Variants in FADS2 observed in about 807,000 individuals in gnomAD.
The protein encoded by FADS2 is fatty acid desaturase 2.
FADS2 carries 18 observed loss-of-function variants against 61.2 expected under a neutral mutation model. The ratio of observed to expected loss-of-function variants is 0.29; its 90% CI spans 0.20 to 0.44. FADS2 has a LOEUF of 0.44. Among genes scored for constraint, FADS2 ranks in the 20% least tolerant of loss-of-function variants. The pLI is 1.00. For synonymous variants in FADS2, 203 were observed against 223.9 expected (o/e 0.91, Z 0.83); for missense variants, 322 against 572.7 (o/e 0.56, Z 4.47).
intron 8 of FADS2, 34 bp from the exon 9 acceptor site, chr11:61,863,248 G>A (rs541630106): frequency 2.0e-5 from 32 of 1,564,718 alleles, no homozygotes; most frequent in African/African-American, 5.4e-5. Flanking sequence ...CTGGGCCCCC[G>A]GAGGCCCCTG....
rs964903485 is a variant in FADS2 at position 61,865,443 on chromosome 11, G to C, written c.1283+166G>C. ...TTGGGCTTTTCTCCCTGGGCTGCGA[G>C]AAGACCATCCCTTTCTGTGTGGGGT... On this transcript the variant is annotated intron_variant, in intron 11 of 11. Coordinates refer to ENST00000278840, the MANE Select transcript of FADS2 (RefSeq NM_004265.4). This position sits in a 1 kb window ranked among gnomAD's most constrained non-coding sequence, Gnocchi z 4.1. 1 of 990,842 alleles carries C rather than the reference G, an allele frequency of 1.0e-6. No homozygotes were observed. The highest frequency in any genetic ancestry group is 1.6e-5 in the African/African-American group (1 of 61,416). 61.4% of individuals were successfully genotyped at this position (990,842 alleles called of 1,614,324 possible).
At position 61,816,954 on chromosome 11, in the gene FADS2, G is replaced by C; in HGVS notation, c.141+528G>C. ...TTGGCCGAGCCTCGTGGCGCGGGGA[G>C]CGAGATCCCGTCCCCCGGTGGGTCT... On this transcript the variant is annotated intron_variant, in intron 1 of 11. Transcript: ENST00000257261. This position sits in a 1 kb window ranked among gnomAD's most constrained non-coding sequence, Gnocchi z 7.0. 3 of 1,373,894 alleles carry C rather than the reference G, an allele frequency of 2.2e-6. No individual in the cohort carries two copies. In the South Asian group the frequency reaches 5.0e-5, roughly 23 times the overall value. The allele number at this position is 1,373,894 out of a possible 1,614,324, so 85.1% of individuals were successfully genotyped here.
rs745690992 is a variant in FADS2 at position 61,840,503 on chromosome 11, T to C, written c.488T>C (p.Ile163Thr). ...GGCAATGGCTGGATTCCTACCCTCA[T>C]CACGGCCTTTGTCCTTGCTACCTCT... ...YFGNGWIPTL[I>T]TAFVLATSQA... The change falls in exon 3 of 12, where the codon ATC becomes ACC. Residue 163 changes from isoleucine to threonine, a missense_variant. Around this residue, in one of 3 missense-constraint regions of FADS2, gnomAD observed 221 missense variants for 427.9 expected, o/e 0.52. Transcript: ENST00000278840. 4.3e-6 allele frequency: 7 copies of C among 1,614,088 alleles called. No homozygotes were observed. The highest frequency in any genetic ancestry group is 4.2e-6 in the Non-Finnish European group (5 of 1,180,050).
chr11:61,821,783 A>G (rs2067038026), intron 1 of FADS2, among the ~76,000 whole-genome samples: 1 of 152,230 alleles, frequency 6.6e-6, no homozygotes, highest in South Asian at 2.1e-4. Flanking sequence ...GATTAATGTT[A>G]AGTAATATTA....
At position 61,866,002 on chromosome 11, in the gene FADS2, C is replaced by A; in HGVS notation, c.*313C>A. ...GGCTCTGTCCTACCTCCACTCTCTG[C>A]CCCTAAAGATGGGAGGAGACCAGCG... On this transcript the variant is annotated 3_prime_UTR_variant, in exon 12 of 12. Coordinates refer to ENST00000278840, the MANE Select transcript of FADS2 (RefSeq NM_004265.4). The A allele has an allele frequency of 2.1e-6, 1 of 468,058 alleles. No individual in the cohort carries two copies. The highest frequency in any genetic ancestry group is 3.8e-6 in the Non-Finnish European group (1 of 263,768). 29.0% of individuals were successfully genotyped at this position (468,058 alleles called of 1,614,324 possible).
intron 5 of FADS2, among the ~76,000 whole-genome samples, chr11:61,849,143 C>T (rs2067285625): frequency 6.6e-6 from 1 of 152,212 alleles, no homozygotes; most frequent in Admixed American, 6.5e-5. Context: ...GATCTGCCTG[C>T]CTCGGCTTCC....
At chr11:61,827,914 C>T (rs2067096803), upstream of FADS2, 1 of 510,494 alleles carries the variant, frequency 2.0e-6, no homozygotes, top group Middle Eastern at 9.8e-4. This position sits in a 1 kb window ranked among gnomAD's most constrained non-coding sequence, Gnocchi z 4.5. Flanking sequence ...CCGCTCCAGC[C>T]CGCTGGCCTT....
rs756539701 is a variant in FADS2, at chr11:61,816,294, C to A, written c.9C>A (p.Gly3=). Residue 3 remains glycine, a synonymous_variant, in exon 1 of 12, where the codon GGC becomes GGA. Transcript: ENST00000257261. The surrounding 1 kb of genome is among the most constrained non-coding windows in gnomAD (Gnocchi z 7.0). Reference sequence around the variant, plus strand: ...TCGGGGCTGCAGATGGAATGCACGGCAGGGAGGCGGGACCCTTTGTTTGTG... The same window carrying A: ...TCGGGGCTGCAGATGGAATGCACGGAAGGGAGGCGGGACCCTTTGTTTGTG... 2 of 1,598,338 alleles carry A rather than the reference C, an allele frequency of 1.3e-6. No homozygotes were observed. The highest frequency in any genetic ancestry group is 2.2e-5 in the South Asian group (2 of 91,070).
chr11:61,829,008 C>A (rs1449356830), intron 1 of FADS2, among the ~76,000 whole-genome samples: 3 of 152,222 alleles, frequency 2.0e-5, no homozygotes, highest in Non-Finnish European at 4.4e-5. Context: ...GGAGCGGGAG[C>A]GCAGGCAGCC....
intron 5 of FADS2, among the ~76,000 whole-genome samples, chr11:61,849,139 C>T (rs984614072): frequency 6.6e-6 from 1 of 152,216 alleles, no homozygotes; most frequent in East Asian, 1.9e-4. Flanking sequence ...TCATGATCTG[C>T]CTGCCTCGGC....
chr11:61,857,964 C>T (rs2067377741), intron 7 of FADS2, among the ~76,000 whole-genome samples: 1 of 152,198 alleles, frequency 6.6e-6, no homozygotes, highest in Non-Finnish European at 1.5e-5. Context: ...GCACCACGAA[C>T]TGAGTGGCAT....
At chr11:61,817,067 G>C (rs1436184317) in intron 1 of FADS2, 5 of 1,051,596 alleles carry the variant, frequency 4.8e-6, no homozygotes, top group Non-Finnish European at 6.3e-6. Context: ...CTGACGTCAG[G>C]CGGGCATCGC....
intron 7 of FADS2, 126 bp from the exon 8 acceptor site, chr11:61,862,835 GTTGCCCATTGC>G: frequency 4.3e-6 from 3 of 700,456 alleles, no homozygotes; most frequent in South Asian, 1.7e-5. Flanking sequence ...GTGGCGTGTA[GTTGCCCATTGC>G]ATTTCAGTGG....
intron 5 of FADS2, chr11:61,856,321 G>A (rs2526678): frequency 0.09 from 13,680 of 152,386 alleles, 1,123 homozygotes; most frequent in East Asian, 0.4. Flanking sequence ...TGCAGGCTCT[G>A]ATGGGGAAGA....
chr11:61,817,109 A>C, intron 1 of FADS2: 1 of 654,570 alleles, frequency 1.5e-6, no homozygotes, highest in South Asian at 2.9e-5. Context: ...CCGCGGTAGG[A>C]ACAGCGGTTC....
intron 2 of FADS2, 172 bp from the exon 3 acceptor site, chr11:61,840,162 T>G: frequency 3.2e-6 from 2 of 630,140 alleles, no homozygotes; most frequent in Non-Finnish European, 5.7e-6. Context: ...GTGGGGCATG[T>G]GGTAACAGCA....
At chr11:61,857,638 C>T (rs1591179471) in intron 7 of FADS2, 108 bp downstream of exon 7, 11 of 879,826 alleles carry the variant, frequency 1.3e-5, no homozygotes, top group Middle Eastern at 2.4e-4. Context: ...GCCTGTGGGG[C>T]CCCAGGCATC....
chr11:61,838,458 C>T (rs1385069870), intron 2 of FADS2, among the ~76,000 whole-genome samples: 3 of 152,036 alleles, frequency 2.0e-5, no homozygotes, highest in Non-Finnish European at 2.9e-5. Flanking sequence ...CAGGGCAGGA[C>T]GGGGAGGAGA....
chr11:61,828,269 G>T, upstream of FADS2: 1 of 1,457,180 alleles, frequency 6.9e-7, no homozygotes, highest in Non-Finnish European at 9.0e-7. This position sits in a 1 kb window ranked among gnomAD's most constrained non-coding sequence, Gnocchi z 6.4. Context: ...AGTAGGAGAA[G>T]ACAAAAGCCG....
Sources: allele counts gnomAD v4.1 joint callset (sites outside exome capture counted in the v4.1 genomes callset), GRCh38; gene constraint gnomAD v4.1.1; regional missense constraint gnomAD v4.1.1; non-coding constraint Gnocchi (gnomAD v3.1); transcripts MANE v1.5; gene names NCBI Gene and HGNC (gene_info 2026-07-23, HGNC 2026-07-21).